CR1: variants seen among roughly 807,000 people sequenced by gnomAD.
CR1 encodes the protein complement receptor type 1.
A neutral mutation model predicts 187.3 loss-of-function variants in CR1; 116 were observed. The ratio of observed to expected loss-of-function variants is 0.62; its 90% CI spans 0.53 to 0.72. CR1 has a LOEUF of 0.72. CR1 is among the 30% of genes least tolerant of loss of function. The pLI is 0.00. For missense variants in CR1, 1,731 were observed against 2,110.7 expected, an observed-to-expected ratio of 0.82 and a Z score of 3.52; for synonymous variants, 576 against 747.1, an observed-to-expected ratio of 0.77 and a Z score of 3.73.
intron 35 of CR1, among the ~76,000 whole-genome samples, chr1:207,594,459 A>G (rs1177134750): frequency 6.6e-6 from 1 of 152,140 alleles, no homozygotes; most frequent in Non-Finnish European, 1.5e-5. Context: ...GTCAGAGGGT[A>G]GGAGTCCAGG....
rs755362456 is a variant in CR1 at position 207,609,387 on chromosome 1, C to A, written c.5994C>A (p.Cys1998Ter). The change falls in exon 37 of 47, where the codon TGC becomes TGA. Residue 1998 changes from cysteine to a stop codon, truncating the protein, a stop_gained. Coordinates refer to ENST00000367049, the MANE Select transcript of CR1 (RefSeq NM_000651.6). LOFTEE classifies it high-confidence loss of function. ...ATGGAACGGTGGTAACTTACCAGTGCCACACTGGACCAGATGGAGAACAGC... is the reference window on the plus strand; with the variant it reads ...ATGGAACGGTGGTAACTTACCAGTGACACACTGGACCAGATGGAGAACAGC... ...FHNGTVVTYQ[C>*]HTGPDGEQLF... 1.2e-6 allele frequency: 2 copies of A among 1,613,880 alleles called. No homozygotes were observed. The highest frequency in any genetic ancestry group is 2.2e-5 in the South Asian group (2 of 91,078).
intron 28 of CR1, 70 bp downstream of exon 28, chr1:207,575,750 G>A (rs1660725192): frequency 5.0e-6 from 8 of 1,603,738 alleles, no homozygotes; most frequent in Non-Finnish European, 6.8e-6. Context: ...GAATTACAAA[G>A]AATGGATCTC....
chr1:207,634,900 G>A (rs896524131), intron 46 of CR1, among the ~76,000 whole-genome samples: 2 of 152,278 alleles, frequency 1.3e-5, no homozygotes, highest in Middle Eastern at 3.4e-3. Flanking sequence ...TGACCTGTAC[G>A]TTTTCTAGAA....
intron 25 of CR1, 107 bp downstream of exon 25, chr1:207,568,149 C>T: frequency 6.3e-7 from 1 of 1,590,106 alleles, no homozygotes; most frequent in Non-Finnish European, 8.6e-7. Flanking sequence ...ATGCATTTGC[C>T]ACAATGGAAT....
At chr1:207,591,199 G>C (rs890077059) in intron 35 of CR1, among the ~76,000 whole-genome samples, 3 of 152,022 alleles carry the variant, frequency 2.0e-5, no homozygotes, top group Admixed American at 6.6e-5. Context: ...CCACATAATT[G>C]GAAGTAAAGC....
At chr1:207,597,090 A>C (rs1411354502) in intron 35 of CR1, among the ~76,000 whole-genome samples, 1 of 149,856 alleles carries the variant, frequency 6.7e-6, no homozygotes, top group East Asian at 1.9e-4. Flanking sequence ...ACAATATTTA[A>C]ATATAACATA....
chr1:207,509,389 T>G (rs939787374), intron 3 of CR1, among the ~76,000 whole-genome samples: 20 of 152,224 alleles, frequency 1.3e-4, no homozygotes, highest in African/African-American at 4.8e-4. Context: ...CAAGTGGATA[T>G]GAGACTCCCT....
At chr1:207,605,183 C>A (rs1661710032) in intron 35 of CR1, among the ~76,000 whole-genome samples, 1 of 150,314 alleles carries the variant, frequency 6.7e-6, no homozygotes, top group South Asian at 2.1e-4. Context: ...TGGTTTGAAC[C>A]TGGGAGGCAG....
chr1:207,621,877 G>A, intron 43 of CR1, 96 bp from the exon 44 acceptor site: 1 of 996,392 alleles, frequency 1.0e-6, no homozygotes, highest in Non-Finnish European at 1.5e-6. Flanking sequence ...ACTGAGTCCT[G>A]AAGAAAAATC....
chr1:207,522,286 G>A (rs1571517559), intron 4 of CR1, among the ~76,000 whole-genome samples: 1 of 152,284 alleles, frequency 6.6e-6, no homozygotes, highest in Non-Finnish European at 1.5e-5. Flanking sequence ...GCCACCCACA[G>A]TACCAGTACT....
At position 207,508,949 on chromosome 1, in the gene CR1, T is replaced by G. The variant is rs550611325; in HGVS notation, c.401+2136T>G. ...CCTTATGTCCTCCACTTTGGAGTGCTGACCCCATTCATTTGGAGTTGGTCT... is the reference window on the plus strand; with the variant it reads ...CCTTATGTCCTCCACTTTGGAGTGCGGACCCCATTCATTTGGAGTTGGTCT... On this transcript the variant is annotated intron_variant, in intron 3 of 46. Transcript: ENST00000367049. Among the ~76,000 whole-genome samples, 19 of 152,360 alleles carry G rather than the reference T, an allele frequency of 1.2e-4. No homozygotes were observed. The East Asian group carries it at 2.3e-3, about 19-fold the overall frequency.
intron 45 of CR1, among the ~76,000 whole-genome samples, chr1:207,627,892 T>C (rs1320315484): frequency 6.6e-6 from 1 of 152,196 alleles, no homozygotes; most frequent in East Asian, 1.9e-4. Context: ...CTCCGTGTTC[T>C]CAAATCAGAG....
In CR1 at chr1:207,577,922, G is replaced by C. The variant is rs1660809125; in HGVS notation, c.4655G>C (p.Arg1552Thr). 6.2e-7 allele frequency: 1 copy of C among 1,612,498 alleles called. No individual in the cohort carries two copies. Among genetic ancestry groups the C allele is most frequent in the African/African-American group, 1.3e-5 (1 of 74,850 alleles). Residue 1552 changes from arginine to threonine, a missense_variant, in exon 29 of 47, where the codon AGA becomes ACA. Coordinates refer to ENST00000367049, the MANE Select transcript of CR1 (RefSeq NM_000651.6). ...CGCTGCAATCTTGGAAGCAGAGGGA[G>C]AAAGGTGTTTGAGCTTGTGGGTGAG... ...TYRCNLGSRG[R>T]KVFELVGEPS...
At chr1:207,565,116 C>A (rs1571536466) in intron 23 of CR1, among the ~76,000 whole-genome samples, 1 of 149,816 alleles carries the variant, frequency 6.7e-6, no homozygotes, top group Admixed American at 6.6e-5. Context: ...CTCTTCACAG[C>A]GTGCACATCT....
Position 207,623,277 on chromosome 1 carries a change from A to G in CR1, c.7352+209A>G, listed in dbSNP as rs557686126. On this transcript the variant is annotated intron_variant, in intron 45 of 46. Coordinates refer to ENST00000367049, the MANE Select transcript of CR1 (RefSeq NM_000651.6). ...CTAAGAACAATTAAAAAATAATAAT[A>G]ATAACAAAAAAAAAGACCATTTGGC... Among the ~76,000 whole-genome samples, 35 of 4,702 alleles carry G rather than the reference A, an allele frequency of 7.4e-3. 1 individual carries two copies. In the South Asian group the frequency reaches 0.37, roughly 50 times the overall value. 3.1% of individuals were successfully genotyped at this position (4,702 alleles called of 152,430 possible).
In CR1 at chr1:207,577,545, G is replaced by A. The variant is rs569650321; in HGVS notation, c.4538-260G>A. Among the ~76,000 whole-genome samples the A allele has an allele frequency of 4.6e-5, 7 of 151,994 alleles. No individual in the cohort carries two copies. The East Asian group carries it at 7.8e-4, about 17-fold the overall frequency. On this transcript the variant is annotated intron_variant, in intron 28 of 46. Coordinates refer to ENST00000367049, the MANE Select transcript of CR1 (RefSeq NM_000651.6). ...AGCACTTTGAAAGGCCGAGGCAGGC[G>A]GATTGTTTGAGGCCAGGAGTTCAAG...
chr1:207,556,648 C>CATATATATAT (rs1404002868), intron 19 of CR1, among the ~76,000 whole-genome samples: 881 of 37,920 alleles, frequency 0.023, 8 homozygotes, highest in Middle Eastern at 0.04. Context: ...TGATCTATAT[C>CATATATATAT]ATATATATAT....
rs577131960 is a variant in CR1, at chr1:207,565,635, G to C, written c.3867-203G>C. ...TTTTCAATTCAAGCAGGACTATCAT[G>C]TGACCAAGCTACTACATTTTGCCAT... On this transcript the variant is annotated intron_variant, in intron 23 of 46. Transcript: ENST00000367049. Among the ~76,000 whole-genome samples the C allele has an allele frequency of 1.4e-3, 205 of 150,234 alleles. 24 individuals carry two copies. The highest frequency in any genetic ancestry group is 4.7e-3 in the African/African-American group (188 of 39,710).
At chr1:207,593,656 A>G (rs1661344020) in intron 35 of CR1, among the ~76,000 whole-genome samples, 2 of 152,244 alleles carry the variant, frequency 1.3e-5, no homozygotes, top group Admixed American at 6.5e-5. Flanking sequence ...AGAAACTATC[A>G]TCAGAGTGAA....
Sources: gnomAD v4.1 joint callset for allele counts (sites outside exome capture counted in the v4.1 genomes callset) on GRCh38, gnomAD v4.1.1 for gene constraint, MANE v1.5 for transcripts, NCBI Gene and HGNC (gene_info 2026-07-23, HGNC 2026-07-21) for gene names.